Variants in TTN observed in about 807,000 individuals in gnomAD.
TTN encodes connectin.
In TTN, 1,525 loss-of-function variants were observed where a neutral mutation model predicts 3,223.0. The observed-to-expected ratio is 0.47, with a 90% CI of 0.45 to 0.49. The LOEUF (loss-of-function observed/expected upper bound fraction) is 0.49, where lower values mean the gene tolerates loss of function less well. Ranked by LOEUF, TTN falls within the 20% of genes least tolerant of loss-of-function variation. TTN has a pLI of 0.00. For missense variants in TTN, 40,786 were observed against 43,424.0 expected (o/e 0.94, Z 5.40); for synonymous variants, 14,094 against 15,161.0 (o/e 0.93, Z 5.17).
chr2:178,801,994 A>G, intron 3 of TTN, 144 bp downstream of exon 3: 2 of 990,608 alleles, frequency 2.0e-6, no homozygotes, highest in Non-Finnish European at 1.5e-6. Context: ...CAACTTGGTT[A>G]TAAATAATTC....
intron 240 of TTN, 82 bp downstream of exon 240, chr2:178,629,219 A>G (rs190463398): frequency 4.7e-6 from 7 of 1,503,770 alleles, no homozygotes; most frequent in African/African-American, 1.4e-5. Context: ...CATTAGAAAG[A>G]GCAAAGAATA....
rs755060136 is a variant in TTN at position 178,579,622 on chromosome 2, A to C, written c.67575T>G (p.Ala22525=). 2.3e-5 allele frequency: 37 copies of C among 1,613,394 alleles called. 2 individuals carry two copies. In the South Asian group the frequency reaches 4.0e-4, roughly 17 times the overall value. Residue 22525 remains alanine, a synonymous_variant, in exon 319 of 363, where the codon GCT becomes GCG. Transcript: ENST00000589042. Reference sequence around the variant, plus strand: ...GGGTTCCTTCTCCATTTTCATTCTCAGCACTCACTCTGAAGGTATATTCCT... The same window carrying C: ...GGGTTCCTTCTCCATTTTCATTCTCCGCACTCACTCTGAAGGTATATTCCT... The part of the protein sequence containing the change: ...EGKEYTFRVS[A]ENENGEGTPS...
chr2:178,608,288 T>A lies in TTN; in HGVS notation c.52595A>T (p.Asp17532Val). 1 of 1,612,210 alleles carries A rather than the reference T, an allele frequency of 6.2e-7. No individual in the cohort carries two copies. Among genetic ancestry groups the A allele is most frequent in the Non-Finnish European group, 8.5e-7 (1 of 1,179,084 alleles). ...ATAGGTGAGTCCTTCTAATAAGCCA[T>A]CTACATTGGCTTTCAAGGCATTCAG... ...SLLNALKANV[D>V]GLLEGLTYVF... Residue 17532 changes from aspartate to valine, a missense_variant, in exon 275 of 363, where the codon GAT (aspartate) becomes GTT (valine). Transcript: ENST00000589042.
intron 354 of TTN, 58 bp downstream of exon 354, chr2:178,538,482 A>G: frequency 6.6e-7 from 1 of 1,507,676 alleles, no homozygotes; most frequent in Non-Finnish European, 8.9e-7. Flanking sequence ...ATAGAGGGGG[A>G]ATTAGCCTTA....
At position 178,601,170 on chromosome 2, in the gene TTN, A is replaced by G. The variant is rs2154192691; in HGVS notation, c.55734T>C (p.Tyr18578=). The change falls in exon 288 of 363, where the codon TAT becomes TAC. Residue 18578 remains tyrosine, a splice_region_variant and synonymous_variant. Coordinates refer to ENST00000589042, the MANE Select transcript of TTN (RefSeq NM_001267550.2). ...IQRTTARDPI[Y]PPDPPIKLKI... ...TGAGTTTAATAGGAGGATCAGGAGGATCTGTAAAAATAATTAAAGGAAGTA... is the reference window on the plus strand; with the variant it reads ...TGAGTTTAATAGGAGGATCAGGAGGGTCTGTAAAAATAATTAAAGGAAGTA... 3.9e-6 allele frequency: 6 copies of G among 1,524,274 alleles called. No homozygotes were observed. Among genetic ancestry groups the G allele is most frequent in the Non-Finnish European group, 4.4e-6 (5 of 1,140,092 alleles). The allele number at this position is 1,524,274 out of a possible 1,614,324, so 94.4% of individuals were successfully genotyped here.
intron 250 of TTN, 60 bp from the exon 251 acceptor site, chr2:178,618,913 T>C (rs2057815110): frequency 1.0e-5 from 16 of 1,564,116 alleles, no homozygotes; most frequent in Non-Finnish European, 1.4e-5. Context: ...AGCTACATCA[T>C]GTTATTATGC....
Position 178,634,380 on chromosome 2 carries a change from C to G in TTN, c.42401G>C (p.Arg14134Pro), listed in dbSNP as rs764083952. The G allele has an allele frequency of 1.9e-6, 3 of 1,605,904 alleles. No homozygotes were observed. Among genetic ancestry groups the G allele is most frequent in the South Asian group, 2.2e-5 (2 of 89,180 alleles). ...AGCTCGCTTACCTGTGACAAACAACCGAGCTGAGGTCTTCTTGCCCTCCAC... is the reference window on the plus strand; with the variant it reads ...AGCTCGCTTACCTGTGACAAACAACGGAGCTGAGGTCTTCTTGCCCTCCAC... ...AEVEGKKTSA[R>P]LFVTGIRLKF... The change falls in exon 230 of 363, where the codon CGG becomes CCG. Residue 14134 changes from arginine to proline, a missense_variant. By Grantham distance (103) the Arg-to-Pro change is moderately radical. Transcript: ENST00000589042. The surrounding 1 kb of genome is among the most constrained non-coding windows in gnomAD (Gnocchi z 4.6).
Position 178,553,356 on chromosome 2 carries a change from A to G in TTN, c.89544T>C (p.Ser29848=). 6.3e-7 allele frequency: 1 copy of G among 1,599,862 alleles called. No individual in the cohort carries two copies. The highest frequency in any genetic ancestry group is 1.1e-5 in the South Asian group (1 of 90,682). ...EIDLDVALRT[S]VIAKAGEDVQ... is the part of the protein sequence containing the mutation. ...CATCTTCACCAGCTTTGGCAATAAC[A>G]GAAGTTCTGAGAGCCACATCCAGGT... Residue 29848 remains serine, a synonymous_variant, in exon 335 of 363, where the codon TCT becomes TCC. Coordinates refer to ENST00000589042, the MANE Select transcript of TTN (RefSeq NM_001267550.2).
In TTN at chr2:178,568,812, C is replaced by A; in HGVS notation, c.77320G>T (p.Val25774Leu). The change falls in exon 326 of 363, where the codon GTA becomes TTA. Residue 25774 changes from valine to leucine, a missense_variant. Coordinates refer to ENST00000589042, the MANE Select transcript of TTN (RefSeq NM_001267550.2). Reference sequence around the variant, plus strand: ...GGATCACTTCTCCCCTTTTCATTTACAGCAACAACTCTAAAAAGATATTCT... The same window carrying A: ...GGATCACTTCTCCCCTTTTCATTTAAAGCAACAACTCTAAAAAGATATTCT... ...GEEYLFRVVA[V>L]NEKGRSDPRS... 1.9e-6 allele frequency: 3 copies of A among 1,613,210 alleles called. No homozygotes were observed. The highest frequency in any genetic ancestry group is 1.7e-6 in the Non-Finnish European group (2 of 1,179,552).
At position 178,736,063 on chromosome 2, in the gene TTN, G is replaced by T; in HGVS notation, c.14383C>A (p.Pro4795Thr). 6.3e-7 allele frequency: 1 copy of T among 1,579,628 alleles called. No homozygotes were observed. Among genetic ancestry groups the T allele is most frequent in the Non-Finnish European group, 8.6e-7 (1 of 1,163,520 alleles). ...GACTTAGGTCTGGAGAGAAAGGTTG[G>T]TGGATATGCCTCTGCAAAAGAAATT... is the stretch of plus-strand genomic sequence containing the variant. ...ATLTVTEAYP[P>T]TFLSRPKSLT... is the part of the protein sequence containing the mutation. Residue 4795 changes from proline to threonine, a missense_variant, in exon 50 of 363, where the codon CCA (proline) becomes ACA (threonine). By Grantham distance (38) the Pro-to-Thr change is conservative. Transcript: ENST00000589042.
chr2:178,538,683 T>C lies in TTN; in HGVS notation c.99146A>G (p.Asn33049Ser), dbSNP rs1692887822. The change falls in exon 354 of 363, where the codon AAT (asparagine) becomes AGT (serine). Residue 33049 changes from asparagine (N) to serine (S), a missense_variant. Physicochemically the swap from Asn to Ser is conservative, Grantham distance 46. Transcript: ENST00000589042. ...TTGCTTGTCCTTAATACGTTCCTTA[T>C]TGCTCTTCTTCCAGGCACTGTCTCC... is the stretch of plus-strand genomic sequence containing the variant. Reference protein sequence around the residue: ...QSGDSAWKKSNKERIKDKQFT... With the variant: ...QSGDSAWKKSSKERIKDKQFT... 1 of 1,613,790 alleles carries C rather than the reference T, an allele frequency of 6.2e-7. No individual in the cohort carries two copies. The highest frequency in any genetic ancestry group is 1.3e-5 in the African/African-American group (1 of 75,038).
Position 178,560,683 on chromosome 2 carries a change from G to A in TTN, c.85449C>T (p.Ile28483=), listed in dbSNP as rs758811159. The A allele has an allele frequency of 1.9e-6, 3 of 1,613,536 alleles. No homozygotes were observed. Among genetic ancestry groups the A allele is most frequent in the Non-Finnish European group, 1.7e-6 (2 of 1,179,766 alleles). The change falls in exon 326 of 363, where the codon ATC becomes ATT. Residue 28483 remains isoleucine (I), a synonymous_variant. Transcript: ENST00000589042. ...GRPQEDGGAD[I]DYYIVEKRET... is the part of the protein sequence containing the mutation. ...CACGTTTTTCTACGATGTAATAGTC[G>A]ATATCTGCACCACCATCTTCTTGGG...
Position 178,571,720 on chromosome 2 carries a change from G to A in TTN, c.74412C>T (p.Ile24804=), listed in dbSNP as rs531223049. The change falls in exon 326 of 363, where the codon ATC becomes ATT. Residue 24804 remains isoleucine (I), a synonymous_variant. Transcript: ENST00000589042. The part of the protein sequence containing the change: ...AGEAIETLNV[I]VLDKPGPPTG... ...TTGGAGGCCCTGGTTTGTCAAGAAC[G>A]ATAACATTAAGGGTTTCAATAGCTT... 40 of 1,613,412 alleles carry A rather than the reference G, an allele frequency of 2.5e-5. No individual in the cohort carries two copies. In the South Asian group the frequency reaches 2.5e-4, roughly 10 times the overall value.
rs750168513 is a variant in TTN, at chr2:178,649,251, T to A, written c.40054A>T (p.Lys13352Ter). The A allele has an allele frequency of 6.7e-7, 1 of 1,501,536 alleles. No homozygotes were observed. Among genetic ancestry groups the A allele is most frequent in the South Asian group, 1.3e-5 (1 of 75,810 alleles). The allele number at this position is 1,501,536 out of a possible 1,614,324, so 93.0% of individuals were successfully genotyped here. ...VTKKPEVLPE[K>*]VPKVPEKIIP... ...ATTTTTTCTTCATGGTAGGTACCTTTTTCTGGAAGAACTTCTGGTTTTTTG... is the reference window on the plus strand; with the variant it reads ...ATTTTTTCTTCATGGTAGGTACCTTATTCTGGAAGAACTTCTGGTTTTTTG... Residue 13352 changes from lysine to a stop codon, truncating the protein, a stop_gained, in exon 213 of 363, where the codon AAA becomes TAA. Transcript: ENST00000589042. LOFTEE classifies it high-confidence loss of function.
chr2:178,794,907 C>G lies in TTN; in HGVS notation c.1245+15G>C. On this transcript the variant is annotated intron_variant, in intron 7 of 362. Transcript: ENST00000589042. ...GAATGTGAAATAAGGAAAAACAAAA[C>G]CATTCTGACAGTACCTCTTTAGCAC... 1 of 1,600,208 alleles carries G rather than the reference C, an allele frequency of 6.2e-7. No homozygotes were observed. The highest frequency in any genetic ancestry group is 8.5e-7 in the Non-Finnish European group (1 of 1,179,824).
chr2:178,764,806 C>T lies in TTN; in HGVS notation c.9709G>A (p.Glu3237Lys). Residue 3237 changes from glutamate (E) to lysine (K), a missense_variant, in exon 42 of 363, where the codon GAA becomes AAA. By Grantham distance (56) the Glu-to-Lys change is moderately conservative (BLOSUM62 1). Transcript: ENST00000589042. Reference protein sequence around the residue: ...SSVTLYVNAPEPPQVLQELQP... With the variant: ...SSVTLYVNAPKPPQVLQELQP... Reference sequence around the variant, plus strand: ...AGCTCCTGCAGAACTTGGGGCGGTTCAGGAGCTAGGAGTAAATGTTGACAA... The same window carrying T: ...AGCTCCTGCAGAACTTGGGGCGGTTTAGGAGCTAGGAGTAAATGTTGACAA... 1 of 1,612,942 alleles carries T rather than the reference C, an allele frequency of 6.2e-7. No homozygotes were observed. Among genetic ancestry groups the T allele is most frequent in the Non-Finnish European group, 8.5e-7 (1 of 1,179,842 alleles).
chr2:178,645,180 G>A (rs1156673472), intron 217 of TTN: 1 of 152,076 alleles, frequency 6.6e-6, no homozygotes, highest in Non-Finnish European at 1.5e-5. Flanking sequence ...GTTTCTGCCA[G>A]TTTATTTCAG....
chr2:178,620,313 G>C lies in TTN; in HGVS notation c.46208C>G (p.Thr15403Ser). 6.3e-7 allele frequency: 1 copy of C among 1,582,950 alleles called. No homozygotes were observed. Among genetic ancestry groups the C allele is most frequent in the Non-Finnish European group, 8.6e-7 (1 of 1,163,424 alleles). ...FVEHLEDQTV[T>S]EFDDAVFSCQ... is the part of the protein sequence containing the mutation. ...GGAGAAGACAGCGTCATCGAACTCA[G>C]TGACTGTCTGATCTTCCAAGTGTTC... Residue 15403 changes from threonine to serine, a missense_variant, in exon 248 of 363, where the codon ACT becomes AGT. Coordinates refer to ENST00000589042, the MANE Select transcript of TTN (RefSeq NM_001267550.2).
At chr2:178,712,255 A>G in intron 95 of TTN, 33 bp from the exon 96 acceptor site, 1 of 1,609,974 alleles carries the variant, frequency 6.2e-7, no homozygotes, top group East Asian at 2.2e-5. Flanking sequence ...ATCAGTCATG[A>G]AGGAGACATG....
Sources: gnomAD v4.1 joint callset for allele counts on GRCh38, gnomAD v4.1.1 for gene constraint, Gnocchi (gnomAD v3.1) non-coding constraint, MANE v1.5 for transcripts, NCBI Gene and HGNC (gene_info 2026-07-23, HGNC 2026-07-21) for gene names.